GRM5: variants seen among roughly 807,000 people sequenced by gnomAD.
GRM5 encodes glutamate metabotropic receptor 5, also known as metabotropic glutamate receptor 5.
GRM5 carries 19 observed loss-of-function variants against 83.1 expected under a neutral mutation model. The ratio of observed to expected loss-of-function variants is 0.23; its 90% CI spans 0.16 to 0.34. The LOEUF is 0.34. Among genes scored for constraint, GRM5 ranks in the 10% least tolerant of loss-of-function variants. GRM5 has a pLI of 1.00. For synonymous variants in GRM5, 675 were observed against 633.6 expected, an observed-to-expected ratio of 1.07 and a Z score of -0.98; for missense variants, 1,160 against 1,588.3, an observed-to-expected ratio of 0.73 and a Z score of 4.58.
chr11:88,680,243 C>A (rs543963466), intron 3 of GRM5, among the ~76,000 whole-genome samples: 1 of 152,080 alleles, frequency 6.6e-6, no homozygotes, highest in African/African-American at 2.4e-5. Flanking sequence ...ACTCCCCCCA[C>A]CCCACAACAG....
chr11:88,970,036 G>A (rs914561649), intron 2 of GRM5, among the ~76,000 whole-genome samples: 24 of 151,954 alleles, frequency 1.6e-4, no homozygotes, highest in Non-Finnish European at 3.2e-4. Context: ...TGTGGGAAAC[G>A]TTTCTTGATT....
chr11:88,552,547 G>A (rs1942532374), intron 8 of GRM5, among the ~76,000 whole-genome samples: 1 of 152,114 alleles, frequency 6.6e-6, no homozygotes, highest in Admixed American at 6.6e-5. Flanking sequence ...TGCTACACAA[G>A]CTGAGTGCAT....
chr11:88,877,024 T>C (rs2135568174), intron 2 of GRM5, among the ~76,000 whole-genome samples: 1 of 152,076 alleles, frequency 6.6e-6, no homozygotes. Flanking sequence ...GTTGAGCTCA[T>C]TGAAGTAGAG....
At chr11:88,964,251 T>C (rs536611646) in intron 2 of GRM5, among the ~76,000 whole-genome samples, 2 of 152,200 alleles carry the variant, frequency 1.3e-5, no homozygotes, top group African/African-American at 4.8e-5. Flanking sequence ...GCCACCACAA[T>C]AGCAAAAATC....
chr11:88,910,543 G>A (rs1945478809), intron 2 of GRM5, among the ~76,000 whole-genome samples: 1 of 151,982 alleles, frequency 6.6e-6, no homozygotes, highest in African/African-American at 2.4e-5. Flanking sequence ...CATTGTGATG[G>A]GTATAGTTTT....
chr11:88,747,732 G>A (rs913351449), intron 3 of GRM5, among the ~76,000 whole-genome samples: 3 of 151,012 alleles, frequency 2.0e-5, no homozygotes, highest in Non-Finnish European at 4.4e-5. Flanking sequence ...CACGTAACGA[G>A]GAGTAACACA....
intron 4 of GRM5, among the ~76,000 whole-genome samples, chr11:88,648,405 A>C (rs1474141388): frequency 1.4e-5 from 2 of 141,082 alleles, no homozygotes. Flanking sequence ...TCGCAAGAAC[A>C]AAAAACCAAA....
At chr11:88,685,995 A>T (rs1006121580) in intron 3 of GRM5, among the ~76,000 whole-genome samples, 13 of 152,070 alleles carry the variant, frequency 8.5e-5, no homozygotes, top group Non-Finnish European at 1.6e-4. Context: ...CCTAGTGGAG[A>T]TGTGAGAAGA....
In GRM5 at chr11:88,508,401, C is replaced by T; in HGVS notation, c.*191G>A. On this transcript the variant is annotated 3_prime_UTR_variant, in exon 10 of 10. Transcript: ENST00000305447. This position sits in a 1 kb window ranked among gnomAD's most constrained non-coding sequence, Gnocchi z 4.2. ...TCTAAGGCCACTAGAAGAAAATCTG[C>T]CAAAAGATTTGTCGTCGGTTTCTTC... 4.0e-6 allele frequency: 2 copies of T among 495,174 alleles called. No homozygotes were observed. The highest frequency in any genetic ancestry group is 4.1e-5 in the African/African-American group (2 of 49,166). The allele number at this position is 495,174 out of a possible 1,614,324, so 30.7% of individuals were successfully genotyped here.
intron 2 of GRM5, among the ~76,000 whole-genome samples, chr11:88,892,995 C>T (rs1255933480): frequency 6.6e-6 from 1 of 151,858 alleles, no homozygotes; most frequent in East Asian, 1.9e-4. Context: ...TCTACTACAC[C>T]ACACTTGCAG....
chr11:88,533,562 G>A (rs1942065356), intron 8 of GRM5, among the ~76,000 whole-genome samples: 1 of 152,032 alleles, frequency 6.6e-6, no homozygotes. Context: ...TGGAATCTGT[G>A]ATAGAATGCA....
intron 3 of GRM5, among the ~76,000 whole-genome samples, chr11:88,686,501 T>C (rs72956764): frequency 0.048 from 7,335 of 152,190 alleles, 168 homozygotes; most frequent in Middle Eastern, 0.075. Flanking sequence ...CGCTTGGTTT[T>C]GAAATGTGAA....
chr11:89,030,666 T>C (rs2135124146), intron 2 of GRM5, among the ~76,000 whole-genome samples: 1 of 152,206 alleles, frequency 6.6e-6, no homozygotes, highest in Non-Finnish European at 1.5e-5. Flanking sequence ...TCTTTAAAAA[T>C]ATATAAAAAC....
At chr11:88,866,887 G>A (rs1364057529) in intron 2 of GRM5, among the ~76,000 whole-genome samples, 1 of 152,124 alleles carries the variant, frequency 6.6e-6, no homozygotes, top group Non-Finnish European at 1.5e-5. Flanking sequence ...TCTGTAAAAG[G>A]TGTAAGGAAG....
intron 3 of GRM5, among the ~76,000 whole-genome samples, chr11:88,718,288 C>G (rs547205823): frequency 2.4e-4 from 36 of 152,008 alleles, no homozygotes; most frequent in Admixed American, 1.8e-3. Context: ...CTCTGGCATC[C>G]AATTTTCCTA....
intron 9 of GRM5, among the ~76,000 whole-genome samples, chr11:88,513,812 G>A (rs1458366560): frequency 6.6e-6 from 1 of 152,126 alleles, no homozygotes; most frequent in Non-Finnish European, 1.5e-5. Context: ...AAAACAAAAG[G>A]ATAATACATA....
intron 2 of GRM5, among the ~76,000 whole-genome samples, chr11:88,888,913 A>G (rs547845840): frequency 1.3e-5 from 2 of 152,296 alleles, no homozygotes; most frequent in East Asian, 3.9e-4. Context: ...AAAGGCCTCC[A>G]TCTTGCTTCT....
intron 8 of GRM5, among the ~76,000 whole-genome samples, chr11:88,527,651 T>G (rs1263010764): frequency 6.6e-6 from 1 of 152,196 alleles, no homozygotes; most frequent in African/African-American, 2.4e-5. Flanking sequence ...ATATGTTCAC[T>G]GCAGCACTAT....
chr11:88,967,233 A>G (rs1337735299), intron 2 of GRM5, among the ~76,000 whole-genome samples: 4 of 134,316 alleles, frequency 3.0e-5, no homozygotes, highest in East Asian at 2.2e-4. Flanking sequence ...GTGTGTATGT[A>G]TATATATATA....
Sources: allele counts gnomAD v4.1 joint callset (sites outside exome capture counted in the v4.1 genomes callset), GRCh38; gene constraint gnomAD v4.1.1; non-coding constraint Gnocchi (gnomAD v3.1); transcripts MANE v1.5; gene names NCBI Gene and HGNC (gene_info 2026-07-23, HGNC 2026-07-21).